The following MTCH2 variants were observed in gnomAD, a reference collection of about 807,000 sequenced individuals.
MTCH2 encodes mitochondrial carrier 2, also known as mitochondrial carrier homolog 2.
MTCH2 carries 25 observed loss-of-function variants against 50.6 expected under a neutral mutation model. The ratio of observed to expected loss-of-function variants is 0.49; its 90% CI spans 0.36 to 0.69. MTCH2 has a LOEUF of 0.69. MTCH2 is among the 30% of genes least tolerant of loss of function. The pLI, the probability that MTCH2 is intolerant of heterozygous loss-of-function variation, is 0.00. For synonymous variants in MTCH2, 106 were observed against 132.0 expected (o/e 0.80, Z 1.35); for missense variants, 273 against 384.4 (o/e 0.71, Z 2.42).
At chr11:47,639,150 A>T in intron 1 of MTCH2, 99 bp from the exon 2 acceptor site, 2 of 1,056,728 alleles carry the variant, frequency 1.9e-6, no homozygotes, top group South Asian at 3.2e-5. Flanking sequence ...GTTATTTTTA[A>T]ACACAAGTAA....
downstream of MTCH2, among the ~76,000 whole-genome samples, chr11:47,616,459 G>C (rs944425791): frequency 6.6e-6 from 1 of 151,954 alleles, no homozygotes; most frequent in East Asian, 1.9e-4. Context: ...CGATTCTCCT[G>C]CCTCAGCCTC....
At chr11:47,609,626 CAAAAAAAAAAAAA>C in the MTCH2 span, among the ~76,000 whole-genome samples, 3 of 88,164 alleles carry the variant, frequency 3.4e-5, no homozygotes, top group African/African-American at 9.2e-5. Flanking sequence ...GACTCTGTCT[CAAAAAAAAAAAAA>C]AAAAAAAAAA....
downstream of MTCH2, among the ~76,000 whole-genome samples, chr11:47,612,715 T>G (rs1438086719): frequency 6.8e-6 from 1 of 146,736 alleles, no homozygotes. Flanking sequence ...GCAACCAGAG[T>G]GAGACCCTAT....
At position 47,617,576 on chromosome 11, in the gene MTCH2, C is replaced by T. The variant is rs917607057; in HGVS notation, c.*1257G>A. 1 of 152,576 alleles carries T rather than the reference C, an allele frequency of 6.6e-6. No individual in the cohort carries two copies. The highest frequency in any genetic ancestry group is 1.5e-5 in the Non-Finnish European group (1 of 68,032). The allele number at this position is 152,576 out of a possible 1,614,324, so 9.5% of individuals were successfully genotyped here. ...AGTGGGGCTGTTTTGACAGAGAAGT[C>T]TCAGAAGCAGCGAATTAAGTGCTTA... On this transcript the variant is annotated 3_prime_UTR_variant, in exon 13 of 13. Coordinates refer to ENST00000302503, the MANE Select transcript of MTCH2 (RefSeq NM_014342.4).
intron 3 of MTCH2, 76 bp from the exon 4 acceptor site, chr11:47,635,647 C>A: frequency 2.8e-6 from 4 of 1,413,782 alleles, no homozygotes; most frequent in South Asian, 1.3e-5. Flanking sequence ...GAAAACTCTA[C>A]TGACAGAAAG....
chr11:47,616,305 G>A (rs2097288372), downstream of MTCH2, among the ~76,000 whole-genome samples: 1 of 152,040 alleles, frequency 6.6e-6, no homozygotes, highest in Non-Finnish European at 1.5e-5. Flanking sequence ...ACTTAGCTTG[G>A]TACCACAAAG....
chr11:47,633,526 A>ATATATATTT (rs1378774715), intron 5 of MTCH2, among the ~76,000 whole-genome samples: 1 of 35,078 alleles, frequency 2.9e-5, no homozygotes, highest in African/African-American at 8.3e-5. Context: ...ATATATATAT[A>ATATATATTT]TTTTTTTTTT....
chr11:47,635,683 G>C, intron 3 of MTCH2, 112 bp from the exon 4 acceptor site: 2 of 967,530 alleles, frequency 2.1e-6, no homozygotes, highest in South Asian at 3.3e-5. Flanking sequence ...TTTTTTTAAA[G>C]TTTTTGTTTT....
At chr11:47,607,007 A>C in the MTCH2 span, among the ~76,000 whole-genome samples, 4 of 152,206 alleles carry the variant, frequency 2.6e-5, no homozygotes, top group Non-Finnish European at 5.9e-5. Flanking sequence ...CTCATCTAGC[A>C]GTCTCACCCT....
intron 3 of MTCH2, among the ~76,000 whole-genome samples, chr11:47,638,343 C>T (rs1249480819): frequency 5.7e-5 from 2 of 35,172 alleles, no homozygotes; most frequent in Non-Finnish European, 6.4e-5. Context: ...GGGCGGATCA[C>T]GAGGTCAGGA....
At chr11:47,628,627 T>C (rs1374802499) in intron 9 of MTCH2, among the ~76,000 whole-genome samples, 1 of 152,194 alleles carries the variant, frequency 6.6e-6, no homozygotes, top group Non-Finnish European at 1.5e-5. Context: ...CAGGCTGGAA[T>C]GCAGTGGCGC....
At position 47,629,752 on chromosome 11, in the gene MTCH2, A is replaced by T. The variant is rs74352703; in HGVS notation, c.540-706T>A. Among the ~76,000 whole-genome samples the T allele has an allele frequency of 4.0e-4, 45 of 111,928 alleles. No homozygotes were observed. In the Middle Eastern group the frequency reaches 0.015, roughly 38 times the overall value. The allele number at this position is 111,928 out of a possible 152,430, so 73.4% of individuals were successfully genotyped here. On this transcript the variant is annotated intron_variant, in intron 8 of 12. Transcript: ENST00000302503. ...CGTATGGGGAGATACTCTGAAAATT[A>T]AAAAAAAAAAAACAAAAAACACCAT...
intron 10 of MTCH2, among the ~76,000 whole-genome samples, chr11:47,626,581 ATG>A (rs1193278090): frequency 1.9e-4 from 29 of 151,974 alleles, no homozygotes; most frequent in Admixed American, 1.9e-3. Context: ...TTATTTTCAC[ATG>A]TGAGTCTGTG....
chr11:47,629,766 A>G, intron 8 of MTCH2, among the ~76,000 whole-genome samples: 1 of 151,436 alleles, frequency 6.6e-6, no homozygotes, highest in East Asian at 1.9e-4. Flanking sequence ...AAAAAAAAAC[A>G]AAAAACACCA....
the MTCH2 span, among the ~76,000 whole-genome samples, chr11:47,611,147 G>A: frequency 6.6e-6 from 1 of 152,224 alleles, no homozygotes; most frequent in Non-Finnish European, 1.5e-5. Flanking sequence ...CGCCAAAGAG[G>A]ACAGGGAGAT....
At chr11:47,620,339 T>A (rs1037680185) in intron 12 of MTCH2, among the ~76,000 whole-genome samples, 1 of 151,880 alleles carries the variant, frequency 6.6e-6, no homozygotes, top group Non-Finnish European at 1.5e-5. Context: ...CTTAGCGGTA[T>A]GTGCCTGTAG....
chr11:47,625,823 C>T, intron 10 of MTCH2, 82 bp from the exon 11 acceptor site: 1 of 1,082,768 alleles, frequency 9.2e-7, no homozygotes, highest in Non-Finnish European at 1.4e-6. Context: ...GGCCTAGTGC[C>T]ACTGCGGTGA....
At chr11:47,630,658 T>C (rs959729342) in intron 7 of MTCH2, 44 bp from the exon 8 acceptor site, 12 of 1,535,400 alleles carry the variant, frequency 7.8e-6, no homozygotes, top group African/African-American at 1.4e-5. Context: ...AAGATTCTTT[T>C]GGAGCTATAA....
the MTCH2 span, among the ~76,000 whole-genome samples, chr11:47,610,131 G>A: frequency 2.6e-5 from 4 of 152,182 alleles, no homozygotes; most frequent in Non-Finnish European, 5.9e-5. Context: ...ATACAGCTAG[G>A]AGGCAGCTGA....
Sources: gnomAD v4.1 joint callset for allele counts (sites outside exome capture counted in the v4.1 genomes callset) on GRCh38, gnomAD v4.1.1 for gene constraint, MANE v1.5 for transcripts, NCBI Gene and HGNC (gene_info 2026-07-23, HGNC 2026-07-21) for gene names.